The following HMGCLL1 variants were observed in gnomAD, a reference collection of about 807,000 sequenced individuals.
HMGCLL1 encodes 3-hydroxymethyl-3-methylglutaryl-CoA lyase, cytoplasmic.
Under a neutral mutation model 39.1 loss-of-function variants are expected in HMGCLL1, and 36 were observed. That is an observed-to-expected ratio of 0.92 (90% CI 0.71 to 1.22). The LOEUF (loss-of-function observed/expected upper bound fraction) is 1.22. HMGCLL1 is among the 50% of genes most tolerant of loss of function. The probability of loss-of-function intolerance (pLI) is 0.00; values close to 1 mark genes in which losing one functional copy is unlikely to be tolerated. For synonymous variants in HMGCLL1, 149 were observed against 144.0 expected, an observed-to-expected ratio of 1.03 and a Z score of -0.25; for missense variants, 451 against 416.5, an observed-to-expected ratio of 1.08 and a Z score of -0.72.
At chr6:55,675,014 T>C in the HMGCLL1 span, among the ~76,000 whole-genome samples, 1 of 152,132 alleles carries the variant, frequency 6.6e-6, no homozygotes, top group African/African-American at 2.4e-5. Flanking sequence ...AATCCAGTCA[T>C]ACTGATACAT....
At chr6:55,584,484 C>A in the HMGCLL1 span, among the ~76,000 whole-genome samples, 380 of 152,260 alleles carry the variant, frequency 2.5e-3, 2 homozygotes, top group African/African-American at 8.6e-3. Flanking sequence ...CAATAAATTA[C>A]TACCATATAA....
At chr6:55,609,079 G>A in the HMGCLL1 span, among the ~76,000 whole-genome samples, 1 of 152,182 alleles carries the variant, frequency 6.6e-6, no homozygotes, top group Non-Finnish European at 1.5e-5. Flanking sequence ...GATCCCATTG[G>A]TGAGCCCACG....
chr6:55,606,778 T>C, the HMGCLL1 span, among the ~76,000 whole-genome samples: 1 of 152,100 alleles, frequency 6.6e-6, no homozygotes, highest in Non-Finnish European at 1.5e-5. Context: ...GTGATTAAGA[T>C]AAAGGATTTT....
intron 5 of HMGCLL1, among the ~76,000 whole-genome samples, chr6:55,499,511 T>C (rs374406954): frequency 2.6e-4 from 39 of 152,246 alleles, no homozygotes; most frequent in African/African-American, 8.9e-4. Context: ...CAATTTGATA[T>C]GTGTTTTTGA....
chr6:55,574,540 A>G (rs1203680559), intron 1 of HMGCLL1, among the ~76,000 whole-genome samples: 1 of 151,938 alleles, frequency 6.6e-6, no homozygotes, highest in Non-Finnish European at 1.5e-5. Context: ...TATCACTAAC[A>G]TGTCAATTCA....
chr6:55,531,661 A>C (rs1768684483), intron 3 of HMGCLL1, among the ~76,000 whole-genome samples: 1 of 152,140 alleles, frequency 6.6e-6, no homozygotes, highest in African/African-American at 2.4e-5. Context: ...ACACAGCAGA[A>C]GGTGAGCAGC....
the HMGCLL1 span, among the ~76,000 whole-genome samples, chr6:55,595,768 T>C: frequency 6.6e-6 from 1 of 152,288 alleles, no homozygotes; most frequent in East Asian, 1.9e-4. Context: ...GGAAATACTC[T>C]GTTAATAAAA....
At chr6:55,519,205 T>C (rs1212102544) in intron 3 of HMGCLL1, among the ~76,000 whole-genome samples, 1 of 152,062 alleles carries the variant, frequency 6.6e-6, no homozygotes, top group African/African-American at 2.4e-5. Context: ...AAATGTAGTA[T>C]TATAGAACAA....
upstream of HMGCLL1, among the ~76,000 whole-genome samples, chr6:55,580,537 T>A (rs1023483960): frequency 6.9e-6 from 1 of 144,020 alleles, no homozygotes; most frequent in Non-Finnish European, 1.5e-5. Flanking sequence ...TGCCTCGGCC[T>A]CCCCAGCTGC....
the HMGCLL1 span, among the ~76,000 whole-genome samples, chr6:55,657,581 TA>T: frequency 4.6e-5 from 7 of 152,146 alleles, no homozygotes; most frequent in African/African-American, 1.7e-4. Flanking sequence ...CTATTTTGGT[TA>T]CTGTAGCTCT....
chr6:55,613,379 A>G, the HMGCLL1 span, among the ~76,000 whole-genome samples: 1 of 152,206 alleles, frequency 6.6e-6, no homozygotes, highest in South Asian at 2.1e-4. Flanking sequence ...TGTGGAAGAC[A>G]GTGTGGCGAT....
chr6:55,500,959 C>A (rs924213869), intron 5 of HMGCLL1, among the ~76,000 whole-genome samples: 7 of 151,844 alleles, frequency 4.6e-5, no homozygotes, highest in African/African-American at 1.7e-4. Flanking sequence ...AACATAAATG[C>A]AAAACAAAAC....
intron 7 of HMGCLL1, among the ~76,000 whole-genome samples, chr6:55,473,104 C>A (rs1044217433): frequency 1.3e-5 from 2 of 151,260 alleles, no homozygotes; most frequent in Non-Finnish European, 3.0e-5. Flanking sequence ...TATACTTTTT[C>A]TATCCCTTTA....
At chr6:55,488,945 TTG>T (rs751408685) in intron 7 of HMGCLL1, among the ~76,000 whole-genome samples, 15 of 152,026 alleles carry the variant, frequency 9.9e-5, no homozygotes, top group Non-Finnish European at 1.8e-4. Context: ...GTGCTTCTAA[TTG>T]TGTGTTTTCG....
chr6:55,475,230 T>C (rs1008780241), intron 7 of HMGCLL1, among the ~76,000 whole-genome samples: 12 of 151,632 alleles, frequency 7.9e-5, no homozygotes, highest in African/African-American at 2.7e-4. Flanking sequence ...AATATTCTGA[T>C]AATATTTCAA....
chr6:55,522,245 C>A (rs1451945698), intron 3 of HMGCLL1, among the ~76,000 whole-genome samples: 1 of 151,838 alleles, frequency 6.6e-6, no homozygotes, highest in African/African-American at 2.4e-5. Context: ...TTAAAGGATA[C>A]TGTTTATTAA....
the HMGCLL1 span, among the ~76,000 whole-genome samples, chr6:55,649,039 A>C: frequency 2.0e-5 from 3 of 152,100 alleles, no homozygotes; most frequent in South Asian, 6.2e-4. Flanking sequence ...ACTATACATG[A>C]CTTGAATAGT....
chr6:55,627,645 G>A, the HMGCLL1 span, among the ~76,000 whole-genome samples: 2 of 150,392 alleles, frequency 1.3e-5, no homozygotes, highest in East Asian at 4.0e-4. Flanking sequence ...TAATCTTGTG[G>A]GCACAATCTA....
At chr6:55,547,492 T>C (rs1770054974) in intron 1 of HMGCLL1, among the ~76,000 whole-genome samples, 1 of 152,040 alleles carries the variant, frequency 6.6e-6, no homozygotes, top group Non-Finnish European at 1.5e-5. Flanking sequence ...TAGTAGAAAT[T>C]TCCAGACATA....
Sources: gnomAD v4.1 joint callset for allele counts (sites outside exome capture counted in the v4.1 genomes callset) on GRCh38, gnomAD v4.1.1 for gene constraint, MANE v1.5 for transcripts, NCBI Gene and HGNC (gene_info 2026-07-23, HGNC 2026-07-21) for gene names.